The following ZNF654 variants were observed in gnomAD, a reference collection of about 807,000 sequenced individuals.
The protein encoded by ZNF654 is melanoma-associated antigen.
ZNF654 carries 19 observed loss-of-function variants against 95.3 expected under a neutral mutation model. The observed-to-expected ratio is 0.20, with a 90% confidence interval of 0.14 to 0.29. The LOEUF (loss-of-function observed/expected upper bound fraction) is 0.29, where lower values mean the gene tolerates loss of function less well. Among genes scored for constraint, ZNF654 ranks in the 10% least tolerant of loss-of-function variants. The pLI is 1.00. For missense variants in ZNF654, 1,046 were observed against 1,341.0 expected, an observed-to-expected ratio of 0.78 and a Z score of 3.44; for synonymous variants, 413 against 457.9, an observed-to-expected ratio of 0.90 and a Z score of 1.25.
chr3:88,133,826 A>G (rs1706606821), intron 6 of ZNF654, among the ~76,000 whole-genome samples: 1 of 152,194 alleles, frequency 6.6e-6, no homozygotes, highest in African/African-American at 2.4e-5. Flanking sequence ...ACATTGAGAA[A>G]GAATGATAAA....
intron 2 of ZNF654, among the ~76,000 whole-genome samples, chr3:88,097,937 G>T (rs1163156751): frequency 1.3e-5 from 2 of 152,104 alleles, no homozygotes; most frequent in East Asian, 3.9e-4. Flanking sequence ...AGAAGCAAGA[G>T]CAAACAAATT....
At chr3:88,135,432 C>G (rs941001598) in intron 7 of ZNF654, 1 of 315,976 alleles carries the variant, frequency 3.2e-6, no homozygotes, top group African/African-American at 2.1e-5. Context: ...TCCATTACAA[C>G]CTTTTTTCTT....
At chr3:88,079,079 A>G (rs1416164862) in intron 1 of ZNF654, among the ~76,000 whole-genome samples, 2 of 152,104 alleles carry the variant, frequency 1.3e-5, no homozygotes, top group Non-Finnish European at 2.9e-5. Context: ...ACCGTAAAAA[A>G]TCAACTATAA....
At chr3:88,087,579 A>T (rs1708402645) in intron 2 of ZNF654, among the ~76,000 whole-genome samples, 1 of 152,208 alleles carries the variant, frequency 6.6e-6, no homozygotes, top group Non-Finnish European at 1.5e-5. Flanking sequence ...CAGAAAGCAG[A>T]TAGAGGAATG....
At chr3:88,119,433 C>T (rs1705632607) in intron 3 of ZNF654, among the ~76,000 whole-genome samples, 3 of 143,424 alleles carry the variant, frequency 2.1e-5, no homozygotes, top group South Asian at 4.6e-4. Context: ...GGGAGATATA[C>T]CTAATGCTAG....
chr3:88,127,023 A>T (rs1706149552), intron 4 of ZNF654, among the ~76,000 whole-genome samples: 1 of 152,102 alleles, frequency 6.6e-6, no homozygotes, highest in Non-Finnish European at 1.5e-5. Context: ...AATGTTCCCC[A>T]TATCATTCCT....
intron 2 of ZNF654, among the ~76,000 whole-genome samples, chr3:88,112,026 A>C (rs1705120272): frequency 6.6e-6 from 1 of 151,836 alleles, no homozygotes; most frequent in Non-Finnish European, 1.5e-5. Flanking sequence ...GAAGCATTTA[A>C]ATTAAGGAAA....
chr3:88,086,137 A>T, intron 1 of ZNF654, 120 bp from the exon 2 acceptor site: 1 of 774,874 alleles, frequency 1.3e-6, no homozygotes, highest in Non-Finnish European at 2.0e-6. Context: ...CCCTCCCTCC[A>T]GTCACCTGTG....
intron 2 of ZNF654, among the ~76,000 whole-genome samples, chr3:88,102,821 T>TTTTC (rs1327326285): frequency 6.7e-6 from 1 of 149,374 alleles, no homozygotes; most frequent in African/African-American, 2.5e-5. Flanking sequence ...TACTGTCTTT[T>TTTTC]TTTTTTTTTT....
chr3:88,111,195 C>A (rs1400380823), intron 2 of ZNF654, among the ~76,000 whole-genome samples: 1 of 151,890 alleles, frequency 6.6e-6, no homozygotes, highest in Non-Finnish European at 1.5e-5. Context: ...AGAGAAGATT[C>A]CAGAGATGCT....
At chr3:88,112,801 G>A (rs987377072) in intron 2 of ZNF654, among the ~76,000 whole-genome samples, 2 of 151,994 alleles carry the variant, frequency 1.3e-5, no homozygotes, top group Non-Finnish European at 2.9e-5. Flanking sequence ...TGATCCTTGT[G>A]TATATAGCTA....
At chr3:88,134,705 A>T (rs1706667608) in intron 6 of ZNF654, among the ~76,000 whole-genome samples, 2 of 152,130 alleles carry the variant, frequency 1.3e-5, no homozygotes, top group African/African-American at 4.8e-5. Flanking sequence ...TGTTTTCTAA[A>T]TTTACAAGTA....
At chr3:88,077,578 T>C (rs1337090394) in intron 1 of ZNF654, among the ~76,000 whole-genome samples, 1 of 152,242 alleles carries the variant, frequency 6.6e-6, no homozygotes, top group East Asian at 1.9e-4. Flanking sequence ...TTATGAAATA[T>C]ACCCATGAAA....
At chr3:88,067,290 A>G (rs1230142851) in intron 1 of ZNF654, among the ~76,000 whole-genome samples, 1 of 152,216 alleles carries the variant, frequency 6.6e-6, no homozygotes, top group African/African-American at 2.4e-5. Flanking sequence ...GTTCTGCTCT[A>G]CTGAGATCCT....
intron 1 of ZNF654, among the ~76,000 whole-genome samples, chr3:88,059,783 C>T (rs1368087660): frequency 6.6e-6 from 1 of 152,104 alleles, no homozygotes; most frequent in Admixed American, 6.5e-5. Flanking sequence ...AAGCTCTGTC[C>T]TGACATGCCT....
chr3:88,061,304 AAC>A (rs1350075139), intron 1 of ZNF654, among the ~76,000 whole-genome samples: 2 of 152,202 alleles, frequency 1.3e-5, no homozygotes, highest in Non-Finnish European at 1.5e-5. Flanking sequence ...TAGCCTGCAA[AAC>A]ACAGTGTCTT....
At position 88,143,711 on chromosome 3, in the gene ZNF654, T is replaced by C. The variant is rs539937718; in HGVS notation, c.*2059T>C. 6.6e-6 allele frequency: 1 copy of C among 152,342 alleles called. No individual in the cohort carries two copies. Among genetic ancestry groups the C allele is most frequent in the Non-Finnish European group, 1.5e-5 (1 of 67,796 alleles). 9.4% of individuals were successfully genotyped at this position (152,342 alleles called of 1,614,324 possible). ...TGTAATCTGTCTTTAACTTGAGGTT[T>C]ATTTCTACTTTTGTGTTGCTAAAAT... On this transcript the variant is annotated 3_prime_UTR_variant, in exon 9 of 9. Transcript: ENST00000636215.
intron 1 of ZNF654, among the ~76,000 whole-genome samples, chr3:88,076,554 G>C (rs1184374695): frequency 6.6e-6 from 1 of 151,802 alleles, no homozygotes; most frequent in Non-Finnish European, 1.5e-5. Flanking sequence ...ACTGTTAATT[G>C]TGAGTGCATC....
At chr3:88,069,119 C>G (rs538992712) in intron 1 of ZNF654, among the ~76,000 whole-genome samples, 1 of 137,934 alleles carries the variant, frequency 7.2e-6, no homozygotes, top group Non-Finnish European at 1.6e-5. Context: ...AGCAGAAGTT[C>G]CCCATCAGAA....
Sources: gnomAD v4.1 joint callset for allele counts (sites outside exome capture counted in the v4.1 genomes callset) on GRCh38, gnomAD v4.1.1 for gene constraint, MANE v1.5 for transcripts, NCBI Gene and HGNC (gene_info 2026-07-23, HGNC 2026-07-21) for gene names.